Variants in EPHA6 observed in about 807,000 individuals in gnomAD.
EPHA6 encodes the protein EPH receptor A6, also known as ephrin type-A receptor 6.
A neutral mutation model predicts 112.0 loss-of-function variants in EPHA6; 50 were observed. That is an observed-to-expected ratio of 0.45 (90% CI 0.36 to 0.56). The LOEUF is 0.56. Ranked by LOEUF, EPHA6 falls within the 20% of genes least tolerant of loss-of-function variation. EPHA6 has a pLI of 0.00. For synonymous variants in EPHA6, 529 were observed against 490.7 expected, an observed-to-expected ratio of 1.08 and a Z score of -1.03; for missense variants, 1,280 against 1,417.4, an observed-to-expected ratio of 0.90 and a Z score of 1.56.
chr3:96,940,347 A>G (rs935327750), intron 2 of EPHA6, among the ~76,000 whole-genome samples: 2 of 152,168 alleles, frequency 1.3e-5, no homozygotes, highest in African/African-American at 4.8e-5. Flanking sequence ...CTTTACCATT[A>G]TGTAATGGCC....
At chr3:97,736,201 GA>G in intron 16 of EPHA6, 83 bp downstream of exon 16, 15 of 1,108,080 alleles carry the variant, frequency 1.4e-5, no homozygotes, top group South Asian at 2.3e-5. Flanking sequence ...AGGTAGAAAG[GA>G]AAAAAATGCC....
intron 2 of EPHA6, among the ~76,000 whole-genome samples, chr3:96,914,557 A>G (rs1275140998): frequency 1.3e-5 from 2 of 152,170 alleles, no homozygotes; most frequent in Admixed American, 6.5e-5. Flanking sequence ...AAGCGTTCCG[A>G]ATAGCCCAAC....
rs529663000 is a variant in EPHA6 at position 97,183,634 on chromosome 3, A to G, written c.1115-42630A>G. ...CATGTTTTCTTTAATTAAATTAAAC[A>G]TAATGGCCTCACTTTATAATATTAA... On this transcript the variant is annotated intron_variant, in intron 3 of 17. Coordinates refer to ENST00000389672, the MANE Select transcript of EPHA6 (RefSeq NM_001080448.3). Among the ~76,000 whole-genome samples the G allele has an allele frequency of 6.6e-5, 10 of 152,256 alleles. No homozygotes were observed. The South Asian group carries it at 1.9e-3, about 28-fold the overall frequency.
chr3:96,962,378 AGTAT>A (rs1232138243), intron 2 of EPHA6, among the ~76,000 whole-genome samples: 2 of 151,448 alleles, frequency 1.3e-5, no homozygotes, highest in African/African-American at 2.4e-5. Context: ...GTTACCCCAA[AGTAT>A]TGTGTAGAAT....
intron 2 of EPHA6, among the ~76,000 whole-genome samples, chr3:96,877,929 ATT>A (rs200140200): frequency 0.067 from 8,644 of 128,260 alleles, 664 homozygotes; most frequent in African/African-American, 0.23. Context: ...ATATATATAT[ATT>A]TTTTTTTTTT....
At chr3:97,555,768 G>A (rs946203031) in intron 11 of EPHA6, among the ~76,000 whole-genome samples, 131 of 151,976 alleles carry the variant, frequency 8.6e-4, no homozygotes, top group African/African-American at 3.1e-3. Context: ...ACTTTTTGAT[G>A]GGGTTGTTTG....
intron 3 of EPHA6, among the ~76,000 whole-genome samples, chr3:97,139,971 G>T (rs547995505): frequency 8.6e-5 from 13 of 151,962 alleles, no homozygotes; most frequent in South Asian, 8.3e-4. Context: ...AAGAAAAAAT[G>T]ATTTAGGATA....
intron 3 of EPHA6, among the ~76,000 whole-genome samples, chr3:97,009,450 G>A (rs550544469): frequency 1.3e-5 from 2 of 152,324 alleles, no homozygotes; most frequent in South Asian, 4.1e-4. Flanking sequence ...AAACCATCCA[G>A]CCTCCCTGGC....
At chr3:97,012,309 C>A (rs1416929587) in intron 3 of EPHA6, among the ~76,000 whole-genome samples, 2 of 151,214 alleles carry the variant, frequency 1.3e-5, no homozygotes, top group African/African-American at 4.9e-5. Flanking sequence ...GCAGCCTCAC[C>A]AGCATCTGTT....
At chr3:97,177,207 T>C (rs113579193) in intron 3 of EPHA6, among the ~76,000 whole-genome samples, 2,085 of 152,052 alleles carry the variant, frequency 0.014, 29 homozygotes, top group Non-Finnish European at 0.021. Flanking sequence ...TTGCTATTAA[T>C]TTTTAGTTAT....
intron 7 of EPHA6, among the ~76,000 whole-genome samples, chr3:97,462,505 C>A (rs559563382): frequency 1.3e-5 from 2 of 152,222 alleles, no homozygotes; most frequent in South Asian, 4.1e-4. Context: ...TGTATCATAG[C>A]CACCTACTCC....
intron 9 of EPHA6, chr3:97,481,176 C>A (rs1340567266): frequency 3.1e-6 from 3 of 964,094 alleles, no homozygotes; most frequent in Non-Finnish European, 4.9e-6. Flanking sequence ...TGCACTCCAG[C>A]CGAACAATTT....
chr3:97,549,318 G>A (rs1422725839), intron 11 of EPHA6, among the ~76,000 whole-genome samples: 1 of 152,072 alleles, frequency 6.6e-6, no homozygotes, highest in Non-Finnish European at 1.5e-5. Context: ...CACTGCTAAT[G>A]TTGCCAGGAA....
At chr3:97,529,879 A>C (rs1211244090) in intron 10 of EPHA6, among the ~76,000 whole-genome samples, 1 of 152,058 alleles carries the variant, frequency 6.6e-6, no homozygotes, top group Non-Finnish European at 1.5e-5. Flanking sequence ...ATTTCAGACA[A>C]CAGAAAACAA....
intron 10 of EPHA6, among the ~76,000 whole-genome samples, chr3:97,529,786 C>T (rs1313708505): frequency 6.6e-6 from 1 of 151,966 alleles, no homozygotes; most frequent in South Asian, 2.1e-4. Flanking sequence ...TATTTAGTAC[C>T]ACTGAAATAA....
In EPHA6 at chr3:97,752,769, TA is replaced by T. The variant is rs2035932407; in HGVS notation, c.*4070del. Among the ~76,000 whole-genome samples the T allele has an allele frequency of 6.6e-6, 1 of 152,064 alleles. No homozygotes were observed. Among genetic ancestry groups the T allele is most frequent in the Non-Finnish European group, 1.5e-5 (1 of 67,954 alleles). ...GATGATCCTTTTTAATTGCTTTAAC[TA>T]AGGAAGTTTATTATTAATATTTTAA... On this transcript the variant is annotated 3_prime_UTR_variant, in exon 18 of 18. Transcript: ENST00000389672.
At chr3:97,595,155 C>G (rs937352165) in intron 12 of EPHA6, among the ~76,000 whole-genome samples, 5 of 152,172 alleles carry the variant, frequency 3.3e-5, no homozygotes, top group African/African-American at 1.2e-4. Flanking sequence ...AGAAAGCAGA[C>G]AAGCCTGAAA....
chr3:97,241,932 C>T (rs1311517897), intron 4 of EPHA6, among the ~76,000 whole-genome samples: 1 of 151,428 alleles, frequency 6.6e-6, no homozygotes, highest in African/African-American at 2.4e-5. Context: ...GTCATTCTGT[C>T]GGAAAACATT....
At chr3:97,254,512 T>C (rs554412955) in intron 5 of EPHA6, among the ~76,000 whole-genome samples, 5 of 152,268 alleles carry the variant, frequency 3.3e-5, no homozygotes, top group Admixed American at 2.0e-4. Context: ...ATTTAAACTA[T>C]AACTGATGTG....
Sources: allele counts gnomAD v4.1 joint callset (sites outside exome capture counted in the v4.1 genomes callset), GRCh38; gene constraint gnomAD v4.1.1; transcripts MANE v1.5; gene names NCBI Gene and HGNC (gene_info 2026-07-23, HGNC 2026-07-21).